DOCK9: variants seen among roughly 807,000 people sequenced by gnomAD.
The protein encoded by DOCK9 is dedicator of cytokinesis 9, also known as dedicator of cytokinesis protein 9.
In DOCK9, 89 loss-of-function variants were observed where a neutral mutation model predicts 263.3. The observed-to-expected ratio is 0.34, with a 90% CI of 0.28 to 0.40. The LOEUF is 0.40. Ranked by LOEUF, DOCK9 falls within the 10% of genes least tolerant of loss-of-function variation. The pLI is 1.00. For missense variants in DOCK9, 2,140 were observed against 2,603.4 expected (o/e 0.82, Z 3.87); for synonymous variants, 976 against 973.1 (o/e 1.00, Z -0.06).
At chr13:99,017,909 G>C (rs187839138) in intron 1 of DOCK9, among the ~76,000 whole-genome samples, 1 of 152,250 alleles carries the variant, frequency 6.6e-6, no homozygotes, top group Admixed American at 6.5e-5. Context: ...AGGTAACTAA[G>C]TGAGGTAATA....
intron 1 of DOCK9, among the ~76,000 whole-genome samples, chr13:98,991,535 A>G (rs1879804558): frequency 6.6e-6 from 1 of 152,130 alleles, no homozygotes; most frequent in African/African-American, 2.4e-5. Context: ...AGAATGTAAA[A>G]TATCTTAAGA....
At chr13:98,833,671 C>A (rs571356034) in intron 39 of DOCK9, among the ~76,000 whole-genome samples, 2 of 152,276 alleles carry the variant, frequency 1.3e-5, no homozygotes, top group East Asian at 1.9e-4. Flanking sequence ...CAAATATATA[C>A]AATAAAATTT....
At chr13:98,963,495 C>T (rs1181919582) in intron 1 of DOCK9, among the ~76,000 whole-genome samples, 1 of 152,196 alleles carries the variant, frequency 6.6e-6, no homozygotes, top group South Asian at 2.1e-4. Flanking sequence ...ACTGCTCTTG[C>T]CTCGGATGTG....
chr13:99,035,523 G>A (rs911157146), intron 1 of DOCK9, among the ~76,000 whole-genome samples: 22 of 152,172 alleles, frequency 1.4e-4, no homozygotes, highest in Non-Finnish European at 5.9e-5. Flanking sequence ...ACTTAAATGG[G>A]AAGGAGTACA....
chr13:99,081,848 T>G (rs138262828), intron 1 of DOCK9, among the ~76,000 whole-genome samples: 4,204 of 152,352 alleles, frequency 0.028, 94 homozygotes, highest in South Asian at 0.063. Flanking sequence ...AAGCTAATTC[T>G]GAAATTGTGA....
At chr13:99,000,856 C>T (rs866290260) in intron 1 of DOCK9, among the ~76,000 whole-genome samples, 9 of 152,148 alleles carry the variant, frequency 5.9e-5, no homozygotes, top group Non-Finnish European at 1.0e-4. Flanking sequence ...TAGCTGAGGT[C>T]ATTCACATGC....
chr13:98,836,505 T>C (rs1443183086), intron 39 of DOCK9, among the ~76,000 whole-genome samples: 1 of 152,152 alleles, frequency 6.6e-6, no homozygotes, highest in Non-Finnish European at 1.5e-5. Flanking sequence ...ATTTCTCACA[T>C]GCTCCCAGGG....
At chr13:98,889,703 T>C (rs2046327533) in intron 15 of DOCK9, among the ~76,000 whole-genome samples, 1 of 152,130 alleles carries the variant, frequency 6.6e-6, no homozygotes, top group Non-Finnish European at 1.5e-5. Context: ...GATGTTCCTC[T>C]ATCTTTCAAC....
At chr13:99,021,166 A>G (rs1886044722) in intron 1 of DOCK9, among the ~76,000 whole-genome samples, 1 of 152,248 alleles carries the variant, frequency 6.6e-6, no homozygotes, top group Admixed American at 6.5e-5. Context: ...CACATGCTCA[A>G]TAAATGCTGG....
chr13:99,079,789 C>T (rs911588913), intron 1 of DOCK9, among the ~76,000 whole-genome samples: 1 of 152,146 alleles, frequency 6.6e-6, no homozygotes, highest in Non-Finnish European at 1.5e-5. Context: ...CCTGTAATCC[C>T]TGCACTTTGG....
At chr13:98,884,050 G>A (rs2045292037) in intron 21 of DOCK9, among the ~76,000 whole-genome samples, 151 bp from the exon 22 acceptor site, 1 of 152,268 alleles carries the variant, frequency 6.6e-6, no homozygotes, top group Admixed American at 6.5e-5. Flanking sequence ...CAGGAATGCA[G>A]CTGATACACA....
chr13:98,972,588 G>A lies in DOCK9; in HGVS notation c.126+5196C>T, dbSNP rs74617106. ...GCACTCCCCAAAGATTCCTTCCACC[G>A]ACCGCTCCACAAAATAGGTGTGCAG... On this transcript the variant is annotated intron_variant, in intron 1 of 52. Transcript: ENST00000682017. 6.0e-3 allele frequency among the ~76,000 whole-genome samples: 920 copies of A among 152,202 alleles called. 17 individuals carry two copies. Among genetic ancestry groups the A allele is most frequent in the South Asian group, 0.046 (220 of 4,814 alleles).
At chr13:98,887,530 G>T in intron 18 of DOCK9, among the ~76,000 whole-genome samples, 1 of 138,400 alleles carries the variant, frequency 7.2e-6, no homozygotes, top group Non-Finnish European at 1.5e-5. Flanking sequence ...GCAGGAGAAT[G>T]GCATGAACCT....
At chr13:98,816,744 G>C (rs545692566) in intron 45 of DOCK9, among the ~76,000 whole-genome samples, 1 of 146,908 alleles carries the variant, frequency 6.8e-6, no homozygotes, top group African/African-American at 2.5e-5. Context: ...GTGGGGGTGG[G>C]AATACGAAGG....
In DOCK9 at chr13:98,825,777, G is replaced by C. The variant is rs934223608; in HGVS notation, c.5023+1053C>G. The C allele has an allele frequency of 3.8e-6, 3 of 782,160 alleles. No individual in the cohort carries two copies. The highest frequency in any genetic ancestry group is 7.5e-5 in the Admixed American group (2 of 26,818). 48.5% of individuals were successfully genotyped at this position (782,160 alleles called of 1,614,324 possible). ...GTAGGAGGGAAGGAGAGTGAAGTCT[G>C]TCCATGCAAAGTTAAAAGGGCAAAT... On this transcript the variant is annotated intron_variant, in intron 44 of 52. Coordinates refer to ENST00000682017, the MANE Select transcript of DOCK9 (RefSeq NM_001366683.2). The surrounding 1 kb of genome is among the most constrained non-coding windows in gnomAD (Gnocchi z 4.1).
Position 98,798,492 on chromosome 13 carries a change from G to C in DOCK9, c.5917-1003C>G, listed in dbSNP as rs1292346447. On this transcript the variant is annotated intron_variant, in intron 50 of 52. Transcript: ENST00000682017. ...CGTTGAGGGTGGAACTCAGCACCAG[G>C]CTGGTGCGTGGGGGGAACTGTATTC... Among the ~76,000 whole-genome samples, 4 of 152,144 alleles carry C rather than the reference G, an allele frequency of 2.6e-5. No homozygotes were observed. The South Asian group carries it at 8.3e-4, about 31-fold the overall frequency.
At chr13:98,815,738 C>T (rs1303690716) in intron 45 of DOCK9, among the ~76,000 whole-genome samples, 1 of 152,174 alleles carries the variant, frequency 6.6e-6, no homozygotes, top group East Asian at 1.9e-4. Flanking sequence ...ACCTTGGCCT[C>T]CCAAAGTGCT....
chr13:98,838,531 G>T (rs534281429), intron 38 of DOCK9, among the ~76,000 whole-genome samples: 1 of 152,312 alleles, frequency 6.6e-6, no homozygotes, highest in East Asian at 1.9e-4. Context: ...AGGACTTGAA[G>T]AATCTGTCAT....
At chr13:99,073,996 A>G (rs894051204) in intron 1 of DOCK9, among the ~76,000 whole-genome samples, 1 of 152,230 alleles carries the variant, frequency 6.6e-6, no homozygotes, top group African/African-American at 2.4e-5. Flanking sequence ...TTGTCATATA[A>G]TGACTTCACC....
Sources: allele counts gnomAD v4.1 joint callset (sites outside exome capture counted in the v4.1 genomes callset), GRCh38; gene constraint gnomAD v4.1.1; non-coding constraint Gnocchi (gnomAD v3.1); transcripts MANE v1.5; gene names NCBI Gene and HGNC (gene_info 2026-07-23, HGNC 2026-07-21).